DTNBP1: variants seen among roughly 807,000 people sequenced by gnomAD.
DTNBP1 encodes the protein dystrobrevin binding protein 1, also known as dysbindin.
Under a neutral mutation model 42.8 loss-of-function variants are expected in DTNBP1, and 35 were observed. The ratio of observed to expected loss-of-function variants is 0.82; its 90% CI spans 0.63 to 1.09. The LOEUF (loss-of-function observed/expected upper bound fraction) is 1.09. Among genes scored for constraint, DTNBP1 ranks in the 50% least tolerant of loss-of-function variants. The pLI is 0.00. For missense variants in DTNBP1, 457 were observed against 424.2 expected, an observed-to-expected ratio of 1.08 and a Z score of -0.68; for synonymous variants, 171 against 162.2, an observed-to-expected ratio of 1.05 and a Z score of -0.41.
At chr6:15,631,705 A>T (rs1759704467) in intron 4 of DTNBP1, among the ~76,000 whole-genome samples, 1 of 152,070 alleles carries the variant, frequency 6.6e-6, no homozygotes, top group Non-Finnish European at 1.5e-5. Flanking sequence ...CCATCTCCTC[A>T]TTGCCCAGGG....
At chr6:15,537,624 G>A (rs892694816) in intron 7 of DTNBP1, among the ~76,000 whole-genome samples, 1 of 152,136 alleles carries the variant, frequency 6.6e-6, no homozygotes, top group Non-Finnish European at 1.5e-5. Context: ...CTGAGGAAGG[G>A]AGTAATTGGA....
At chr6:15,616,535 T>C (rs973851492) in intron 5 of DTNBP1, among the ~76,000 whole-genome samples, 4 of 152,194 alleles carry the variant, frequency 2.6e-5, no homozygotes, top group Admixed American at 6.5e-5. Context: ...AGTCAGGAAG[T>C]AACAGCGATC....
At chr6:15,591,710 G>C (rs376091413) in intron 7 of DTNBP1, among the ~76,000 whole-genome samples, 1 of 151,944 alleles carries the variant, frequency 6.6e-6, no homozygotes, top group East Asian at 1.9e-4. Context: ...AAAAAAGTAC[G>C]CCTCAGCACT....
chr6:15,583,464 T>C (rs1023199499), intron 7 of DTNBP1, among the ~76,000 whole-genome samples: 6 of 152,164 alleles, frequency 3.9e-5, no homozygotes, highest in African/African-American at 1.4e-4. Flanking sequence ...CCCAGTTGCC[T>C]TCAACAGTTT....
At chr6:15,614,879 C>G (rs1485986348) in intron 6 of DTNBP1, among the ~76,000 whole-genome samples, 2 of 152,158 alleles carry the variant, frequency 1.3e-5, no homozygotes, top group African/African-American at 4.8e-5. Flanking sequence ...CCCTCCAGCC[C>G]CTTTCCACAG....
intron 7 of DTNBP1, among the ~76,000 whole-genome samples, chr6:15,571,706 T>C (rs1422342192): frequency 6.6e-6 from 1 of 152,188 alleles, no homozygotes; most frequent in Non-Finnish European, 1.5e-5. Flanking sequence ...TTCATAGTAT[T>C]GTCACTATTG....
At chr6:15,631,987 TC>T (rs1465077786) in intron 4 of DTNBP1, among the ~76,000 whole-genome samples, 1 of 152,176 alleles carries the variant, frequency 6.6e-6, no homozygotes, top group Non-Finnish European at 1.5e-5. Context: ...TTTTTGGTAA[TC>T]TAATGAGTGA....
At chr6:15,647,200 C>T (rs558299191) in intron 3 of DTNBP1, among the ~76,000 whole-genome samples, 41 of 151,912 alleles carry the variant, frequency 2.7e-4, no homozygotes, top group Non-Finnish European at 5.2e-4. Flanking sequence ...TATGAATAGA[C>T]TCTTCTCAAA....
intron 6 of DTNBP1, chr6:15,615,026 T>C (rs1218220999): frequency 1.6e-6 from 1 of 630,426 alleles, no homozygotes; most frequent in Non-Finnish European, 2.9e-6. Flanking sequence ...TGCCCTGTGC[T>C]CCACTCCTTC....
At chr6:15,564,859 A>C (rs533002882) in intron 7 of DTNBP1, among the ~76,000 whole-genome samples, 3 of 152,260 alleles carry the variant, frequency 2.0e-5, no homozygotes, top group Admixed American at 1.3e-4. Context: ...TCATGCCTGT[A>C]ATCCCAGCAC....
chr6:15,636,822 C>A (rs890357166), intron 4 of DTNBP1, among the ~76,000 whole-genome samples: 1 of 152,124 alleles, frequency 6.6e-6, no homozygotes, highest in African/African-American at 2.4e-5. Flanking sequence ...GATTTCAGTT[C>A]CCTGTTCTGT....
chr6:15,602,343 T>A (rs760106431), intron 6 of DTNBP1, among the ~76,000 whole-genome samples: 3 of 152,178 alleles, frequency 2.0e-5, no homozygotes, highest in Non-Finnish European at 2.9e-5. Context: ...TTCACCATGG[T>A]TCTTGCTTAC....
At chr6:15,583,834 C>T (rs1045844034) in intron 7 of DTNBP1, among the ~76,000 whole-genome samples, 1 of 152,058 alleles carries the variant, frequency 6.6e-6, no homozygotes, top group African/African-American at 2.4e-5. Context: ...TACAAGAAAT[C>T]CCAGAAAAGT....
chr6:15,537,369 C>T (rs1773299545), intron 7 of DTNBP1, among the ~76,000 whole-genome samples: 1 of 151,190 alleles, frequency 6.6e-6, no homozygotes, highest in Non-Finnish European at 1.5e-5. Context: ...GCAGAGGTTG[C>T]AGTGAGCCAA....
At chr6:15,575,284 C>T (rs1775513562) in intron 7 of DTNBP1, among the ~76,000 whole-genome samples, 1 of 152,180 alleles carries the variant, frequency 6.6e-6, no homozygotes, top group Non-Finnish European at 1.5e-5. Flanking sequence ...ACAAAATCCT[C>T]TGAAGGTAAT....
chr6:15,545,130 C>T (rs1445859480), intron 7 of DTNBP1, among the ~76,000 whole-genome samples: 1 of 151,882 alleles, frequency 6.6e-6, no homozygotes. Flanking sequence ...ATCTCCTGCC[C>T]CCACTTAAAC....
At chr6:15,537,142 C>T (rs533564871) in intron 7 of DTNBP1, among the ~76,000 whole-genome samples, 13 of 152,300 alleles carry the variant, frequency 8.5e-5, no homozygotes, top group South Asian at 8.3e-4. Context: ...TGGCTTAGGC[C>T]GGGCGCGGTG....
intron 6 of DTNBP1, among the ~76,000 whole-genome samples, chr6:15,594,675 C>G (rs1346274052): frequency 1.3e-5 from 2 of 152,064 alleles, no homozygotes; most frequent in Non-Finnish European, 2.9e-5. Context: ...TATCTTCAAT[C>G]TACTTCTTAG....
intron 7 of DTNBP1, among the ~76,000 whole-genome samples, chr6:15,567,028 T>C (rs1775123523): frequency 6.6e-6 from 1 of 152,168 alleles, no homozygotes; most frequent in Admixed American, 6.5e-5. Context: ...GTCTTTCCCC[T>C]TCCAGACCCT....
Sources: gnomAD v4.1 joint callset for allele counts (sites outside exome capture counted in the v4.1 genomes callset) on GRCh38, gnomAD v4.1.1 for gene constraint, MANE v1.5 for transcripts, NCBI Gene and HGNC (gene_info 2026-07-23, HGNC 2026-07-21) for gene names.